Variants in OSBPL8 observed in about 807,000 individuals in gnomAD.
The protein encoded by OSBPL8 is oxysterol binding protein like 8, also known as oxysterol-binding protein-related protein 8.
A neutral mutation model predicts 125.5 loss-of-function variants in OSBPL8; 59 were observed. That is an observed-to-expected ratio of 0.47 (90% CI 0.38 to 0.58). OSBPL8 has a LOEUF of 0.58. Ranked by LOEUF, OSBPL8 falls within the 20% of genes least tolerant of loss-of-function variation. The pLI is 0.00. For synonymous variants in OSBPL8, 330 were observed against 338.9 expected, an observed-to-expected ratio of 0.97 and a Z score of 0.29; for missense variants, 758 against 1,047.8, an observed-to-expected ratio of 0.72 and a Z score of 3.82.
chr12:76,415,401 C>A (rs1350314272), intron 4 of OSBPL8, among the ~76,000 whole-genome samples: 1 of 151,956 alleles, frequency 6.6e-6, no homozygotes, highest in Admixed American at 6.6e-5. Context: ...GTGCATGCCA[C>A]CAGGCCCAGC....
intron 4 of OSBPL8, among the ~76,000 whole-genome samples, chr12:76,435,955 T>C (rs894539584): frequency 6.6e-6 from 1 of 152,142 alleles, no homozygotes; most frequent in Non-Finnish European, 1.5e-5. Flanking sequence ...TTCTTCTCTA[T>C]AACTAAGCTC....
At chr12:76,541,970 G>C (rs190936673) in intron 1 of OSBPL8, among the ~76,000 whole-genome samples, 1 of 151,596 alleles carries the variant, frequency 6.6e-6, no homozygotes, top group South Asian at 2.1e-4. Context: ...TTGGGAGTTC[G>C]AGACCCACCT....
At chr12:76,509,095 A>G (rs935296731) in intron 1 of OSBPL8, among the ~76,000 whole-genome samples, 3 of 152,206 alleles carry the variant, frequency 2.0e-5, no homozygotes, top group Non-Finnish European at 2.9e-5. Flanking sequence ...AACAAGGTCA[A>G]TAGTGCAAAG....
At chr12:76,533,631 C>A (rs138520566) in intron 1 of OSBPL8, among the ~76,000 whole-genome samples, 1 of 152,180 alleles carries the variant, frequency 6.6e-6, no homozygotes, top group African/African-American at 2.4e-5. Context: ...AACTTAAAGG[C>A]GAGAAACTCA....
At chr12:76,492,098 A>C (rs1592781099) in intron 1 of OSBPL8, among the ~76,000 whole-genome samples, 1 of 152,142 alleles carries the variant, frequency 6.6e-6, no homozygotes, top group East Asian at 1.9e-4. Flanking sequence ...GAAGATAGTA[A>C]GTGCTATAGG....
chr12:76,557,191 G>C (rs1271908483), intron 1 of OSBPL8, among the ~76,000 whole-genome samples: 2 of 152,170 alleles, frequency 1.3e-5, no homozygotes, highest in Non-Finnish European at 2.9e-5. Flanking sequence ...TAGAAAACTA[G>C]ATCTATGTAC....
chr12:76,439,573 A>G (rs1194319525), intron 4 of OSBPL8, among the ~76,000 whole-genome samples: 3 of 145,634 alleles, frequency 2.1e-5, no homozygotes, highest in Non-Finnish European at 4.7e-5. Flanking sequence ...TACTAATGTG[A>G]AATTACCTTT....
intron 17 of OSBPL8, among the ~76,000 whole-genome samples, chr12:76,374,307 A>T (rs1008770077): frequency 6.6e-6 from 1 of 152,122 alleles, no homozygotes; most frequent in African/African-American, 2.4e-5. Flanking sequence ...CCTTGACAAT[A>T]CGTACCCTCT....
chr12:76,469,296 T>G (rs1875836428), intron 2 of OSBPL8, among the ~76,000 whole-genome samples: 1 of 152,182 alleles, frequency 6.6e-6, no homozygotes, highest in South Asian at 2.1e-4. Context: ...TCCTGGTGAA[T>G]TCATTCTTCT....
intron 8 of OSBPL8, among the ~76,000 whole-genome samples, chr12:76,396,925 C>A (rs1953831104): frequency 6.6e-6 from 1 of 151,970 alleles, no homozygotes; most frequent in Non-Finnish European, 1.5e-5. Context: ...AGTGATCCTC[C>A]CACCGCAGAC....
intron 4 of OSBPL8, among the ~76,000 whole-genome samples, chr12:76,427,742 A>T (rs1158822927): frequency 6.6e-6 from 1 of 152,066 alleles, no homozygotes; most frequent in Admixed American, 6.6e-5. Flanking sequence ...ACATTGCAAG[A>T]TCATCATGAT....
intron 5 of OSBPL8, 114 bp from the exon 6 acceptor site, chr12:76,402,880 A>G: frequency 1.4e-6 from 1 of 697,622 alleles, no homozygotes; most frequent in South Asian, 1.8e-5. Context: ...TGATTTAAGC[A>G]AATGTCAATT....
intron 8 of OSBPL8, among the ~76,000 whole-genome samples, chr12:76,396,814 C>G (rs1953825578): frequency 6.6e-6 from 1 of 151,970 alleles, no homozygotes; most frequent in Non-Finnish European, 1.5e-5. Flanking sequence ...TAGTATAATG[C>G]TTGTTTGTTT....
At chr12:76,373,873 C>CA (rs999174865) in intron 17 of OSBPL8, among the ~76,000 whole-genome samples, 30 of 151,834 alleles carry the variant, frequency 2.0e-4, no homozygotes, top group Non-Finnish European at 3.4e-4. Flanking sequence ...AATATATAGC[C>CA]AAAAAAAGCC....
At chr12:76,487,021 A>AAT (rs781058417) in intron 2 of OSBPL8, among the ~76,000 whole-genome samples, 2 of 101,900 alleles carry the variant, frequency 2.0e-5, no homozygotes, top group Middle Eastern at 6.2e-3. Context: ...TGCAATTTTC[A>AAT]TTTTTTTTTT....
rs369592597 is a variant in OSBPL8 at position 76,381,603 on chromosome 12, T to G, written c.1630+2651A>C. Among the ~76,000 whole-genome samples the G allele has an allele frequency of 6.6e-5, 10 of 152,222 alleles. No homozygotes were observed. In the East Asian group the frequency reaches 1.2e-3, roughly 18 times the overall value. The stretch of plus-strand genomic sequence containing the variant: ...CGTACTGAACCTTTTTATTTCATTA[T>G]GAAATGTTCTTTATCTCTATTAACA... On this transcript the variant is annotated intron_variant, in intron 15 of 23. Coordinates refer to ENST00000261183, the MANE Select transcript of OSBPL8 (RefSeq NM_020841.5).
chr12:76,466,052 A>G (rs1308184834), intron 2 of OSBPL8, among the ~76,000 whole-genome samples: 1 of 152,164 alleles, frequency 6.6e-6, no homozygotes, highest in Non-Finnish European at 1.5e-5. Context: ...AAAATCCATT[A>G]TATATTGGCT....
intron 1 of OSBPL8, among the ~76,000 whole-genome samples, chr12:76,504,101 A>G (rs1880177159): frequency 1.3e-5 from 2 of 151,482 alleles, no homozygotes; most frequent in African/African-American, 4.9e-5. Flanking sequence ...AAAAAAAAAA[A>G]ACCTGAGGTC....
chr12:76,395,539 T>C (rs904840933), intron 8 of OSBPL8, among the ~76,000 whole-genome samples: 2 of 146,388 alleles, frequency 1.4e-5, no homozygotes, highest in African/African-American at 5.1e-5. Context: ...AATATGACTT[T>C]AACAAATACC....
Sources: gnomAD v4.1 joint callset for allele counts (sites outside exome capture counted in the v4.1 genomes callset) on GRCh38, gnomAD v4.1.1 for gene constraint, MANE v1.5 for transcripts, NCBI Gene and HGNC (gene_info 2026-07-23, HGNC 2026-07-21) for gene names.